RBFOX1: variants seen among roughly 807,000 people sequenced by gnomAD.
RBFOX1 encodes RNA binding fox-1 homolog 1.
In RBFOX1, 8 loss-of-function variants were observed where a neutral mutation model predicts 57.7. The observed-to-expected ratio is 0.14, with a 90% CI of 0.08 to 0.25. The LOEUF is 0.25. Ranked by LOEUF, RBFOX1 falls within the 10% of genes least tolerant of loss-of-function variation. The pLI is 1.00. For synonymous variants in RBFOX1, 326 were observed against 222.4 expected (o/e 1.47, Z -4.15); for missense variants, 611 against 548.5 (o/e 1.11, Z -1.14).
chr16:7,411,233 C>G (rs553545400), intron 4 of RBFOX1, among the ~76,000 whole-genome samples: 5 of 47,480 alleles, frequency 1.1e-4, no homozygotes, highest in African/African-American at 3.1e-4. Flanking sequence ...GCCACCACAC[C>G]TGGCCAATCA....
At chr16:6,101,729 C>G (rs984416710) in intron 1 of RBFOX1, among the ~76,000 whole-genome samples, 1 of 152,158 alleles carries the variant, frequency 6.6e-6, no homozygotes, top group Non-Finnish European at 1.5e-5. Context: ...TGAGACCAGC[C>G]TGGCCAACGT....
At chr16:6,186,122 T>G (rs1200261370) in intron 1 of RBFOX1, among the ~76,000 whole-genome samples, 3 of 152,186 alleles carry the variant, frequency 2.0e-5, no homozygotes, top group African/African-American at 7.2e-5. Context: ...TATGAATTCA[T>G]TTTTTTGGCT....
At chr16:7,531,606 G>A (rs1317542922) in intron 5 of RBFOX1, among the ~76,000 whole-genome samples, 1 of 152,110 alleles carries the variant, frequency 6.6e-6, no homozygotes, top group Non-Finnish European at 1.5e-5. Context: ...ACTATGTTGT[G>A]TATTTCATTG....
chr16:6,442,231 C>T (rs8054242), intron 2 of RBFOX1, among the ~76,000 whole-genome samples: 32,874 of 152,048 alleles, frequency 0.22, 3,824 homozygotes, highest in East Asian at 0.3. Flanking sequence ...AAGGGGGACA[C>T]ATCCACTCGA....
intron 3 of RBFOX1, among the ~76,000 whole-genome samples, chr16:5,840,323 C>T (rs1250105840): frequency 6.6e-6 from 1 of 152,202 alleles, no homozygotes; most frequent in Non-Finnish European, 1.5e-5. Context: ...TCACACAGCT[C>T]TTCTGAAGAG....
At chr16:7,229,584 GGA>G (rs890415306) in intron 4 of RBFOX1, among the ~76,000 whole-genome samples, 2 of 136,052 alleles carry the variant, frequency 1.5e-5, no homozygotes, top group East Asian at 2.1e-4. Flanking sequence ...AAGGAGAAAG[GGA>G]GAGAGAGGAA....
At chr16:6,414,213 G>A (rs2093556438) in intron 2 of RBFOX1, among the ~76,000 whole-genome samples, 1 of 152,192 alleles carries the variant, frequency 6.6e-6, no homozygotes, top group Admixed American at 6.5e-5. Flanking sequence ...ACCTTGGAAA[G>A]GTGGATGAAA....
At chr16:5,922,312 C>A (rs746028885) in intron 4 of RBFOX1, among the ~76,000 whole-genome samples, 2 of 152,144 alleles carry the variant, frequency 1.3e-5, no homozygotes, top group Admixed American at 1.3e-4. Context: ...CACATTTTGA[C>A]TTGAGAGCTG....
intron 3 of RBFOX1, among the ~76,000 whole-genome samples, chr16:5,796,764 A>G (rs2054893141): frequency 6.6e-6 from 1 of 152,218 alleles, no homozygotes; most frequent in Admixed American, 6.5e-5. Flanking sequence ...CAATGCTAAG[A>G]TTCAACCCCA....
chr16:5,456,675 A>T (rs1447568193), intron 1 of RBFOX1, among the ~76,000 whole-genome samples: 1 of 151,924 alleles, frequency 6.6e-6, no homozygotes, highest in African/African-American at 2.4e-5. Flanking sequence ...TTTTCTTCCC[A>T]TTTCCTTGGA....
At chr16:7,616,172 T>TA (rs1365882036) in intron 10 of RBFOX1, among the ~76,000 whole-genome samples, 1 of 152,236 alleles carries the variant, frequency 6.6e-6, no homozygotes. Context: ...AAAAGGCTGT[T>TA]ACACTCACAG....
intron 1 of RBFOX1, among the ~76,000 whole-genome samples, chr16:5,455,207 C>G (rs190996875): frequency 1.0e-3 from 157 of 151,820 alleles, no homozygotes; most frequent in African/African-American, 3.6e-3. Flanking sequence ...AAGACTAGGC[C>G]CAGCTGGGGT....
chr16:5,365,097 A>C, intron 1 of RBFOX1, among the ~76,000 whole-genome samples: 2 of 152,194 alleles, frequency 1.3e-5, no homozygotes, highest in Admixed American at 1.3e-4. Context: ...TTAATGACCT[A>C]CTTACTGCTG....
At chr16:5,306,710 C>T (rs776826003) in intron 1 of RBFOX1, among the ~76,000 whole-genome samples, 5 of 152,186 alleles carry the variant, frequency 3.3e-5, no homozygotes, top group Admixed American at 6.5e-5. Flanking sequence ...CGAGAGAGCA[C>T]GCCCATGCTG....
intron 1 of RBFOX1, among the ~76,000 whole-genome samples, chr16:5,466,066 G>C (rs1044794956): frequency 6.6e-6 from 1 of 152,178 alleles, no homozygotes; most frequent in East Asian, 1.9e-4. Context: ...AAGGTCTGAC[G>C]TTTTGACAAG....
intron 2 of RBFOX1, among the ~76,000 whole-genome samples, chr16:6,560,913 A>C (rs191180679): frequency 3.3e-5 from 5 of 152,324 alleles, no homozygotes; most frequent in Admixed American, 3.3e-4. Context: ...TGCAGGCCAC[A>C]TCAAGATGAT....
At chr16:7,313,728 G>A (rs984394676) in intron 4 of RBFOX1, among the ~76,000 whole-genome samples, 1 of 151,946 alleles carries the variant, frequency 6.6e-6, no homozygotes, top group Non-Finnish European at 1.5e-5. Context: ...AGCCTCCAGG[G>A]AGTTGAAATT....
intron 4 of RBFOX1, among the ~76,000 whole-genome samples, chr16:7,154,864 T>C (rs886972038): frequency 1.3e-5 from 2 of 152,158 alleles, no homozygotes; most frequent in African/African-American, 4.8e-5. Context: ...TGTATTGTTA[T>C]GAAACCCACT....
chr16:7,633,144 C>G lies in RBFOX1; in HGVS notation c.757+2461C>G, dbSNP rs73490677. ...AGGATTGAAAAAAACAAAACAAAAACAAAGAATGTGCCAGAGACCAAGGTG... is the reference window on the plus strand; with the variant it reads ...AGGATTGAAAAAAACAAAACAAAAAGAAAGAATGTGCCAGAGACCAAGGTG... On this transcript the variant is annotated intron_variant, in intron 11 of 15. Transcript: ENST00000550418. 4.0e-3 allele frequency among the ~76,000 whole-genome samples: 611 copies of G among 152,148 alleles called. 4 individuals carry two copies. Among genetic ancestry groups the G allele is most frequent in the African/African-American group, 0.014 (567 of 41,520 alleles).
Sources: allele counts gnomAD v4.1 joint callset (sites outside exome capture counted in the v4.1 genomes callset), GRCh38; gene constraint gnomAD v4.1.1; transcripts MANE v1.5; gene names NCBI Gene and HGNC (gene_info 2026-07-23, HGNC 2026-07-21).